TNRC6A: variants seen among roughly 807,000 people sequenced by gnomAD.
The protein encoded by TNRC6A is trinucleotide repeat-containing gene 6A protein.
In TNRC6A, 44 loss-of-function variants were observed where a neutral mutation model predicts 221.2. The observed-to-expected ratio is 0.20, with a 90% CI of 0.16 to 0.26. TNRC6A has a LOEUF of 0.26. Ranked by LOEUF, TNRC6A falls within the 10% of genes least tolerant of loss-of-function variation. The pLI is 1.00. For synonymous variants in TNRC6A, 847 were observed against 838.5 expected, an observed-to-expected ratio of 1.01 and a Z score of -0.18; for missense variants, 2,199 against 2,404.4, an observed-to-expected ratio of 0.91 and a Z score of 1.79.
intron 2 of TNRC6A, among the ~76,000 whole-genome samples, chr16:24,749,497 G>T (rs1376929549): frequency 6.6e-6 from 1 of 152,176 alleles, no homozygotes; most frequent in Non-Finnish European, 1.5e-5. Flanking sequence ...TGGGAAGTGG[G>T]TGGGGTTGAG....
At chr16:24,641,216 A>G (rs1901934460) in intron 2 of TNRC6A, among the ~76,000 whole-genome samples, 2 of 152,164 alleles carry the variant, frequency 1.3e-5, no homozygotes, top group Admixed American at 1.3e-4. Flanking sequence ...CCATCACCCC[A>G]CGTCACCTTC....
At chr16:24,630,980 C>A (rs573152062) in intron 1 of TNRC6A, among the ~76,000 whole-genome samples, 4 of 151,624 alleles carry the variant, frequency 2.6e-5, no homozygotes, top group Non-Finnish European at 5.9e-5. Flanking sequence ...AGACATTCAG[C>A]CTGGAGGGTC....
At chr16:24,814,314 G>C (rs1263972001) in intron 18 of TNRC6A, among the ~76,000 whole-genome samples, 2 of 151,790 alleles carry the variant, frequency 1.3e-5, no homozygotes, top group Non-Finnish European at 2.9e-5. Flanking sequence ...GGTTCTATTT[G>C]CATCCACCTC....
At chr16:24,704,731 G>C (rs909409113) in intron 2 of TNRC6A, among the ~76,000 whole-genome samples, 1 of 150,502 alleles carries the variant, frequency 6.6e-6, no homozygotes, top group African/African-American at 2.4e-5. Context: ...GAGTATAAGG[G>C]GGTATATTAT....
intron 2 of TNRC6A, chr16:24,665,049 AACTT>A (rs2055128717): frequency 4.5e-6 from 2 of 448,356 alleles, no homozygotes; most frequent in South Asian, 1.6e-5. Context: ...AGGACAAACT[AACTT>A]ATTTATTTAT....
At chr16:24,784,254 G>A (rs988153622) in intron 5 of TNRC6A, among the ~76,000 whole-genome samples, 6 of 152,090 alleles carry the variant, frequency 3.9e-5, no homozygotes, top group Non-Finnish European at 5.9e-5. Flanking sequence ...CTCCCGCCTC[G>A]GCCTCTCAAG....
chr16:24,739,072 G>C (rs1478540445), intron 2 of TNRC6A, among the ~76,000 whole-genome samples: 1 of 152,116 alleles, frequency 6.6e-6, no homozygotes, highest in Non-Finnish European at 1.5e-5. Flanking sequence ...CTCAGGCTCT[G>C]TTTAACTTTT....
At chr16:24,743,163 G>A (rs2056927897) in intron 2 of TNRC6A, among the ~76,000 whole-genome samples, 2 of 152,098 alleles carry the variant, frequency 1.3e-5, no homozygotes, top group Admixed American at 6.6e-5. Context: ...TGTCAAAGGG[G>A]AATAATACCA....
In TNRC6A at chr16:24,731,484, A is replaced by G. The variant is rs368794026; in HGVS notation, c.53+1184A>G. Among the ~76,000 whole-genome samples the G allele has an allele frequency of 1.1e-4, 17 of 152,360 alleles. No homozygotes were observed. In the South Asian group the frequency reaches 3.5e-3, roughly 32 times the overall value. ...AGTAAGGGATTCTCTGTTACTCAAA[A>G]TAATTATGGGATCATTTAAAGGAAA... On this transcript the variant is annotated intron_variant, in intron 2 of 24. Coordinates refer to ENST00000395799, the MANE Select transcript of TNRC6A (RefSeq NM_014494.4).
At chr16:24,644,081 ATTT>A (rs748251760) in intron 2 of TNRC6A, among the ~76,000 whole-genome samples, 7 of 81,558 alleles carry the variant, frequency 8.6e-5, no homozygotes, top group Admixed American at 3.6e-4. Flanking sequence ...CTTATCTTTA[ATTT>A]TTTTTTTTTT....
chr16:24,802,353 G>A (rs1002139202), intron 11 of TNRC6A, among the ~76,000 whole-genome samples: 44 of 152,156 alleles, frequency 2.9e-4, no homozygotes, highest in Non-Finnish European at 4.9e-4. Flanking sequence ...GTTGGAGACC[G>A]CTTGGGCAAC....
intron 2 of TNRC6A, among the ~76,000 whole-genome samples, chr16:24,744,873 A>G (rs1039320112): frequency 1.3e-5 from 2 of 152,276 alleles, no homozygotes; most frequent in East Asian, 1.9e-4. Flanking sequence ...GTAAATATAT[A>G]TATATTCATA....
chr16:24,793,795 T>G (rs2058161919), intron 7 of TNRC6A, 146 bp downstream of exon 7: 3 of 753,384 alleles, frequency 4.0e-6, no homozygotes, highest in Non-Finnish European at 5.4e-6. Context: ...TATTTTGCTC[T>G]TTGATTTTGT....
chr16:24,805,777 T>C lies in TNRC6A; in HGVS notation c.4251+44T>C, dbSNP rs556420614. On this transcript the variant is annotated intron_variant, in intron 15 of 24. Coordinates refer to ENST00000395799, the MANE Select transcript of TNRC6A (RefSeq NM_014494.4). ...TTTCTTAGTACACATTTATGGAGCA[T>C]CTACTGTATGCCAAACACTAGACTC... is the stretch of plus-strand genomic sequence containing the variant. 26 of 1,612,888 alleles carry C rather than the reference T, an allele frequency of 1.6e-5. 1 individual carries two copies. The South Asian group carries it at 2.6e-4, about 16-fold the overall frequency.
At chr16:24,716,629 C>T (rs868204679) in intron 2 of TNRC6A, among the ~76,000 whole-genome samples, 1 of 152,002 alleles carries the variant, frequency 6.6e-6, no homozygotes, top group African/African-American at 2.4e-5. Flanking sequence ...CACGCCACTG[C>T]ATTCCAGCTT....
At chr16:24,666,668 A>AAAAAAT (rs1555487103) in intron 2 of TNRC6A, among the ~76,000 whole-genome samples, 8 of 65,122 alleles carry the variant, frequency 1.2e-4, no homozygotes, top group Non-Finnish European at 1.7e-4. Flanking sequence ...AAAAAAAAAA[A>AAAAAAT]ATATATATAT....
intron 3 of TNRC6A, among the ~76,000 whole-genome samples, chr16:24,756,896 GT>G (rs113581708): frequency 6.6e-6 from 1 of 150,394 alleles, no homozygotes; most frequent in Admixed American, 6.6e-5. Context: ...TGTTTGTTTT[GT>G]TTTTTTTTAA....
intron 2 of TNRC6A, among the ~76,000 whole-genome samples, chr16:24,673,127 G>T (rs1183210086): frequency 2.0e-5 from 3 of 151,916 alleles, no homozygotes; most frequent in Admixed American, 2.0e-4. Context: ...ATTGCTCGAG[G>T]CCAGGAGTTT....
At chr16:24,751,046 T>A (rs952129814) in intron 3 of TNRC6A, among the ~76,000 whole-genome samples, 2 of 152,208 alleles carry the variant, frequency 1.3e-5, no homozygotes, top group African/African-American at 2.4e-5. Context: ...ATTTTATGGA[T>A]CTTTATCTTT....
Sources: gnomAD v4.1 joint callset for allele counts (sites outside exome capture counted in the v4.1 genomes callset) on GRCh38, gnomAD v4.1.1 for gene constraint, MANE v1.5 for transcripts, NCBI Gene and HGNC (gene_info 2026-07-23, HGNC 2026-07-21) for gene names.